The following SETBP1 variants were observed in gnomAD, a reference collection of about 807,000 sequenced individuals.
SETBP1 encodes the protein SET-binding protein.
A neutral mutation model predicts 101.0 loss-of-function variants in SETBP1; 9 were observed. The observed-to-expected ratio is 0.09, with a 90% CI of 0.05 to 0.16. The LOEUF (loss-of-function observed/expected upper bound fraction) is 0.16, where lower values mean the gene tolerates loss of function less well. Ranked by LOEUF, SETBP1 falls within the 10% of genes least tolerant of loss-of-function variation. The probability of loss-of-function intolerance (pLI) is 1.00; values close to 1 mark genes in which losing one functional copy is unlikely to be tolerated. For synonymous variants in SETBP1, 818 were observed against 788.5 expected (o/e 1.04, Z -0.63); for missense variants, 1,858 against 2,033.8 (o/e 0.91, Z 1.66).
intron 3 of SETBP1, among the ~76,000 whole-genome samples, chr18:44,899,317 C>G (rs1038165388): frequency 6.6e-6 from 1 of 152,136 alleles, no homozygotes; most frequent in Non-Finnish European, 1.5e-5. Flanking sequence ...TTTCCAGACA[C>G]CAAACTTTTT....
At chr18:44,686,855 C>T (rs1402988144) in intron 1 of SETBP1, among the ~76,000 whole-genome samples, 1 of 152,128 alleles carries the variant, frequency 6.6e-6, no homozygotes, top group Non-Finnish European at 1.5e-5. Flanking sequence ...CATATTTTAC[C>T]ACATGTGCAT....
At chr18:44,831,518 T>C (rs2072368723) in intron 2 of SETBP1, among the ~76,000 whole-genome samples, 1 of 152,224 alleles carries the variant, frequency 6.6e-6, no homozygotes. Flanking sequence ...TTTTCAAACA[T>C]AAGACTAACA....
Position 44,951,427 on chromosome 18 carries a change from C to G in SETBP1, c.2087C>G (p.Pro696Arg). 1 of 1,614,138 alleles carries G rather than the reference C, an allele frequency of 6.2e-7. No individual in the cohort carries two copies. Among genetic ancestry groups the G allele is most frequent in the Non-Finnish European group, 8.5e-7 (1 of 1,180,024 alleles). ...SSVALKAKAP[P>R]ETSPGAAAIE... is the part of the protein sequence containing the mutation. The stretch of plus-strand genomic sequence containing the variant: ...GTTGCTCTGAAGGCAAAAGCTCCCC[C>G]AGAGACCAGCCCTGGGGCAGCAGCC... Residue 696 changes from proline to arginine, a missense_variant, in exon 4 of 6, where the codon CCA (proline) becomes CGA (arginine). Coordinates refer to ENST00000649279, the MANE Select transcript of SETBP1 (RefSeq NM_015559.3). The surrounding 1 kb of genome is among the most constrained non-coding windows in gnomAD (Gnocchi z 7.8).
chr18:44,991,047 T>C lies in SETBP1; in HGVS notation c.4000+37707T>C, dbSNP rs533708895. Among the ~76,000 whole-genome samples the C allele has an allele frequency of 5.3e-5, 8 of 151,294 alleles. No homozygotes were observed. The East Asian group carries it at 1.6e-3, about 29-fold the overall frequency. ...AGGCGGATCACCTGAGGTCAGGAAT[T>C]TGAAACCAACATAGTGAAACCGTGT... On this transcript the variant is annotated intron_variant, in intron 4 of 5. Transcript: ENST00000649279.
At chr18:45,003,874 T>G (rs1409437054) in intron 4 of SETBP1, among the ~76,000 whole-genome samples, 1 of 152,164 alleles carries the variant, frequency 6.6e-6, no homozygotes, top group Non-Finnish European at 1.5e-5. Flanking sequence ...GTGTGGGTAG[T>G]CCTTTCGTAA....
At chr18:45,051,691 A>G (rs921731932) in intron 5 of SETBP1, among the ~76,000 whole-genome samples, 6 of 152,150 alleles carry the variant, frequency 3.9e-5, no homozygotes, top group Non-Finnish European at 8.8e-5. Context: ...CGTTTCAGTC[A>G]ATCTTAACGT....
At chr18:44,814,690 T>C (rs988766380) in intron 2 of SETBP1, among the ~76,000 whole-genome samples, 5 of 152,340 alleles carry the variant, frequency 3.3e-5, no homozygotes, top group African/African-American at 1.2e-4. Flanking sequence ...AGAGAAGAGA[T>C]AGATGCAGGC....
chr18:45,012,502 G>C (rs183591488), intron 4 of SETBP1, among the ~76,000 whole-genome samples: 1 of 152,260 alleles, frequency 6.6e-6, no homozygotes, highest in East Asian at 1.9e-4. Context: ...CTCTGGATTG[G>C]TTCTTTTGCA....
chr18:44,937,780 C>T (rs532802738), intron 3 of SETBP1, among the ~76,000 whole-genome samples: 1 of 152,290 alleles, frequency 6.6e-6, no homozygotes, highest in African/African-American at 2.4e-5. Flanking sequence ...GGCAGATTCC[C>T]CAGGTGACTC....
intron 4 of SETBP1, among the ~76,000 whole-genome samples, chr18:44,962,828 G>T (rs1480156686): frequency 6.6e-6 from 1 of 152,140 alleles, no homozygotes; most frequent in South Asian, 2.1e-4. Flanking sequence ...TCAGTGCGGG[G>T]GCTGGGGAGA....
chr18:44,755,617 C>G (rs1013936034), intron 2 of SETBP1, among the ~76,000 whole-genome samples: 3 of 151,918 alleles, frequency 2.0e-5, no homozygotes, highest in Admixed American at 1.3e-4. Flanking sequence ...ATTGGCTTCT[C>G]TTGTTCTGAG....
At chr18:44,878,787 A>G (rs1308619366) in intron 3 of SETBP1, among the ~76,000 whole-genome samples, 2 of 152,040 alleles carry the variant, frequency 1.3e-5, no homozygotes, top group Non-Finnish European at 2.9e-5. Flanking sequence ...GTTTCCTACC[A>G]TGTTGTACCA....
chr18:44,936,024 T>C lies in SETBP1; in HGVS notation c.541-13857T>C, dbSNP rs553815722. Among the ~76,000 whole-genome samples the C allele has an allele frequency of 2.6e-5, 4 of 152,356 alleles. No homozygotes were observed. The South Asian group carries it at 8.3e-4, about 32-fold the overall frequency. ...TGGAGAACAAAGCCTCAGTGAAGAA[T>C]AGCTAAAACATTTTTAAAACTGAAA... On this transcript the variant is annotated intron_variant, in intron 3 of 5. Transcript: ENST00000649279.
chr18:44,806,623 C>CTTTTTTTTTTTTT (rs71177656), intron 2 of SETBP1, among the ~76,000 whole-genome samples: 5 of 27,830 alleles, frequency 1.8e-4, no homozygotes, highest in African/African-American at 3.6e-4. Context: ...TAATGAGCTC[C>CTTTTTTTTTTTTT]TTTTTTTTTT....
At chr18:44,856,284 G>T (rs967808837) in intron 2 of SETBP1, among the ~76,000 whole-genome samples, 1 of 152,192 alleles carries the variant, frequency 6.6e-6, no homozygotes, top group Non-Finnish European at 1.5e-5. Context: ...GCTCCCATCT[G>T]TCAGAAAAGG....
intron 3 of SETBP1, among the ~76,000 whole-genome samples, chr18:44,921,845 C>A (rs905404806): frequency 6.6e-6 from 1 of 152,130 alleles, no homozygotes; most frequent in African/African-American, 2.4e-5. Context: ...TGGCTTTTCC[C>A]AGCTGGAACA....
rs545923441 is a variant in SETBP1 at position 45,003,703 on chromosome 18, A to C, written c.4001-34782A>C. Among the ~76,000 whole-genome samples, 577 of 149,682 alleles carry C rather than the reference A, an allele frequency of 3.9e-3. 6 individuals carry two copies. Among genetic ancestry groups the C allele is most frequent in the Non-Finnish European group, 5.0e-3 (338 of 67,232 alleles). On this transcript the variant is annotated intron_variant, in intron 4 of 5. Transcript: ENST00000649279. ...ATGTCATGGGAAAAAAAAAAAAAAA[A>C]CAGCAGTAATCTGAAAGTCTTTTTT...
chr18:44,952,820 A>G lies in SETBP1; in HGVS notation c.3480A>G (p.Glu1160=), dbSNP rs1310618814. Residue 1160 remains glutamate, a synonymous_variant, in exon 4 of 6, where the codon GAA becomes GAG. Coordinates refer to ENST00000649279, the MANE Select transcript of SETBP1 (RefSeq NM_015559.3). The part of the protein sequence containing the change: ...RKHKHKHKHK[E]DRILGTHDNL... ...ACAAACACAAGCATAAGCACAAGGA[A>G]GACCGGATCCTAGGGACCCATGACA... The G allele has an allele frequency of 6.2e-7, 1 of 1,614,092 alleles. No individual in the cohort carries two copies. The highest frequency in any genetic ancestry group is 2.2e-5 in the East Asian group (1 of 44,844).
At chr18:44,844,263 A>G (rs1185001591) in intron 2 of SETBP1, among the ~76,000 whole-genome samples, 1 of 151,776 alleles carries the variant, frequency 6.6e-6, no homozygotes, top group Non-Finnish European at 1.5e-5. Context: ...CCCTTCCCCC[A>G]TATAACTCCT....
Sources: allele counts gnomAD v4.1 joint callset (sites outside exome capture counted in the v4.1 genomes callset), GRCh38; gene constraint gnomAD v4.1.1; non-coding constraint Gnocchi (gnomAD v3.1); transcripts MANE v1.5; gene names NCBI Gene and HGNC (gene_info 2026-07-23, HGNC 2026-07-21).